Variants in YIPF7 observed in about 807,000 individuals in gnomAD.
YIPF7 encodes the protein protein YIPF7.
A neutral mutation model predicts 27.2 loss-of-function variants in YIPF7; 35 were observed. That is an observed-to-expected ratio of 1.29 (90% confidence interval 0.98 to 1.70). YIPF7 has a LOEUF of 1.70. Ranked by LOEUF, YIPF7 falls within the 40% of genes most tolerant of loss-of-function variation. The probability of loss-of-function intolerance (pLI) is 0.00; values close to 1 mark genes in which losing one functional copy is unlikely to be tolerated. For synonymous variants in YIPF7, 137 were observed against 110.4 expected, an observed-to-expected ratio of 1.24 and a Z score of -1.51; for missense variants, 358 against 303.7, an observed-to-expected ratio of 1.18 and a Z score of -1.33.
intron 1 of YIPF7, among the ~76,000 whole-genome samples, chr4:44,650,507 GCA>G (rs3040316): frequency 0.017 from 2,328 of 137,166 alleles, 37 homozygotes; most frequent in Middle Eastern, 0.069. Context: ...GCGCGCGCGC[GCA>G]CACACACACA....
At position 44,622,183 on chromosome 4, in the gene YIPF7, C is replaced by G; in HGVS notation, c.*231G>C. On this transcript the variant is annotated 3_prime_UTR_variant, in exon 6 of 6. Transcript: ENST00000415895. ...GTTGATCAGTACAGCAACTGTATCC[C>G]TTTTGATTTTAAGTATTTTGAAATG... 1.9e-6 allele frequency: 1 copy of G among 531,356 alleles called. No homozygotes were observed. The allele number at this position is 531,356 out of a possible 1,614,324, so 32.9% of individuals were successfully genotyped here. A position where few individuals can be genotyped will look rare whatever the true frequency, so the allele number is the denominator to read the frequency against.
At position 44,626,559 on chromosome 4, in the gene YIPF7, C is replaced by A. The variant is rs527359867; in HGVS notation, c.427-1777G>T. Among the ~76,000 whole-genome samples, 7 of 152,170 alleles carry A rather than the reference C, an allele frequency of 4.6e-5. No individual in the cohort carries two copies. The Middle Eastern group carries it at 0.014, about 296-fold the overall frequency. ...GTAGTAAAGTTGTGTCTTTTCATGG[C>A]AGTTATGTGCTTCTCTCATCATGTC... On this transcript the variant is annotated intron_variant, in intron 4 of 5. Transcript: ENST00000415895.
upstream of YIPF7, among the ~76,000 whole-genome samples, chr4:44,654,325 C>G (rs1205398365): frequency 6.6e-6 from 1 of 151,948 alleles, no homozygotes; most frequent in East Asian, 1.9e-4. Flanking sequence ...GTAATTGTTT[C>G]TGTGTCCTGA....
At chr4:44,639,424 T>C (rs1713249146) in intron 2 of YIPF7, among the ~76,000 whole-genome samples, 1 of 152,160 alleles carries the variant, frequency 6.6e-6, no homozygotes, top group African/African-American at 2.4e-5. Flanking sequence ...GGCTAATAAA[T>C]GTATTCCTAA....
chr4:44,648,489 T>C (rs1478083901), intron 2 of YIPF7, among the ~76,000 whole-genome samples: 1 of 152,152 alleles, frequency 6.6e-6, no homozygotes, highest in Non-Finnish European at 1.5e-5. Context: ...TTAATTTATA[T>C]AATTTCAGAA....
intron 5 of YIPF7, among the ~76,000 whole-genome samples, chr4:44,623,541 T>C (rs903207166): frequency 6.6e-6 from 1 of 152,228 alleles, no homozygotes; most frequent in Non-Finnish European, 1.5e-5. Context: ...AAATATCTGC[T>C]TCTAATAATT....
At position 44,622,266 on chromosome 4, in the gene YIPF7, A is replaced by G; in HGVS notation, c.*148T>C. The G allele has an allele frequency of 1.0e-6, 1 of 972,762 alleles. No individual in the cohort carries two copies. Among genetic ancestry groups the G allele is most frequent in the South Asian group, 1.8e-5 (1 of 55,342 alleles). 60.3% of individuals were successfully genotyped at this position (972,762 alleles called of 1,614,324 possible). A position where few individuals can be genotyped will look rare whatever the true frequency, so the allele number is the denominator to read the frequency against. ...ATTCAAACCAACAGGCTATTAGAGC[A>G]CCACCCTTAAGTGCTGCTTTGTCTC... On this transcript the variant is annotated 3_prime_UTR_variant, in exon 6 of 6. Coordinates refer to ENST00000415895, the MANE Select transcript of YIPF7 (RefSeq NM_182592.3).
chr4:44,623,735 C>T (rs1712521592), intron 5 of YIPF7, among the ~76,000 whole-genome samples: 1 of 152,064 alleles, frequency 6.6e-6, no homozygotes, highest in Non-Finnish European at 1.5e-5. Context: ...TCTTGAGTTG[C>T]ACATACTAAT....
chr4:44,622,808 CAGT>C (rs1254135131), intron 5 of YIPF7, among the ~76,000 whole-genome samples: 1 of 152,152 alleles, frequency 6.6e-6, no homozygotes, highest in Non-Finnish European at 1.5e-5. Context: ...TAGAAAAAAA[CAGT>C]AGAAGTCACC....
chr4:44,625,834 A>T (rs1712615055), intron 4 of YIPF7, among the ~76,000 whole-genome samples: 1 of 152,188 alleles, frequency 6.6e-6, no homozygotes, highest in Admixed American at 6.5e-5. Flanking sequence ...AGTTAAAAAA[A>T]TTCATTAATT....
At chr4:44,641,388 C>A (rs1006269837) in intron 2 of YIPF7, among the ~76,000 whole-genome samples, 1 of 152,176 alleles carries the variant, frequency 6.6e-6, no homozygotes, top group African/African-American at 2.4e-5. Context: ...GGCAATTCAA[C>A]TTTGCCAAGC....
In YIPF7 at chr4:44,651,557, T is replaced by C; in HGVS notation, c.-5A>G. The C allele has an allele frequency of 6.3e-7, 1 of 1,575,056 alleles. No homozygotes were observed. The highest frequency in any genetic ancestry group is 8.6e-7 in the Non-Finnish European group (1 of 1,159,014). Reference sequence around the variant, plus strand: ...TTTAGAAGGATCAGACACATACCTCTGTTTATTTTTTATAGAAAGATCCTC... The same window carrying C: ...TTTAGAAGGATCAGACACATACCTCCGTTTATTTTTTATAGAAAGATCCTC... On this transcript the variant is annotated 5_prime_UTR_variant, in exon 1 of 6. Transcript: ENST00000415895.
chr4:44,633,158 C>A (rs1281877482), intron 3 of YIPF7, among the ~76,000 whole-genome samples: 1 of 152,178 alleles, frequency 6.6e-6, no homozygotes, highest in Non-Finnish European at 1.5e-5. Flanking sequence ...TCAAAATCAT[C>A]TCCCCAACCT....
At chr4:44,629,001 C>T (rs1015983798) in intron 4 of YIPF7, among the ~76,000 whole-genome samples, 4 of 152,138 alleles carry the variant, frequency 2.6e-5, no homozygotes, top group Non-Finnish European at 5.9e-5. Context: ...AGATATATCA[C>T]AGCAAAGAAG....
intron 2 of YIPF7, among the ~76,000 whole-genome samples, chr4:44,645,014 A>G (rs184389600): frequency 3.2e-4 from 49 of 152,258 alleles, no homozygotes; most frequent in African/African-American, 1.2e-3. Flanking sequence ...TTCTGCCAAG[A>G]GTAAAAGCTC....
intron 4 of YIPF7, among the ~76,000 whole-genome samples, chr4:44,627,255 T>G (rs929579296): frequency 6.6e-6 from 1 of 152,192 alleles, no homozygotes; most frequent in African/African-American, 2.4e-5. Flanking sequence ...GGGAAAAGAA[T>G]AAGTAAAACT....
intron 2 of YIPF7, among the ~76,000 whole-genome samples, chr4:44,637,282 A>T (rs1713159986): frequency 6.6e-6 from 1 of 152,166 alleles, no homozygotes; most frequent in Non-Finnish European, 1.5e-5. Flanking sequence ...ATTGCTTGAT[A>T]AAATAGTCAT....
chr4:44,637,493 T>A (rs1367968847), intron 2 of YIPF7, among the ~76,000 whole-genome samples: 1 of 152,222 alleles, frequency 6.6e-6, no homozygotes, highest in Non-Finnish European at 1.5e-5. Context: ...TCTCTGATGA[T>A]TAGTGATGTT....
At chr4:44,630,825 G>A (rs1020128) in intron 3 of YIPF7, among the ~76,000 whole-genome samples, 10,954 of 152,142 alleles carry the variant, frequency 0.072, 446 homozygotes, top group Admixed American at 0.097. Flanking sequence ...TTTTCTCACC[G>A]CTTCTGTAGA....
Sources: allele counts gnomAD v4.1 joint callset (sites outside exome capture counted in the v4.1 genomes callset), GRCh38; gene constraint gnomAD v4.1.1; transcripts MANE v1.5; gene names NCBI Gene and HGNC (gene_info 2026-07-23, HGNC 2026-07-21).